The following ARHGAP35 variants were observed in gnomAD, a reference collection of about 807,000 sequenced individuals.
ARHGAP35 encodes rho GTPase-activating protein 35.
ARHGAP35 carries 15 observed loss-of-function variants against 111.1 expected under a neutral mutation model. That is an observed-to-expected ratio of 0.13 (90% CI 0.09 to 0.21). ARHGAP35 has a LOEUF of 0.21. Ranked by LOEUF, ARHGAP35 falls within the 10% of genes least tolerant of loss-of-function variation. The pLI, the probability that ARHGAP35 is intolerant of heterozygous loss-of-function variation, is 1.00. For missense variants in ARHGAP35, 1,262 were observed against 1,873.0 expected, an observed-to-expected ratio of 0.67 and a Z score of 6.02; for synonymous variants, 643 against 710.3, an observed-to-expected ratio of 0.91 and a Z score of 1.51.
chr19:46,913,335 A>G (rs2122184557), intron 1 of ARHGAP35, among the ~76,000 whole-genome samples: 1 of 151,906 alleles, frequency 6.6e-6, no homozygotes, highest in East Asian at 1.9e-4. Flanking sequence ...AGCTGTTGAC[A>G]GTATGAACTT....
chr19:46,909,323 T>G (rs141071045), intron 1 of ARHGAP35, among the ~76,000 whole-genome samples: 1 of 152,006 alleles, frequency 6.6e-6, no homozygotes, highest in African/African-American at 2.4e-5. Context: ...ACAAAAAAAC[T>G]TTAGGCCAGA....
At chr19:46,995,925 C>T (rs1228550330) in intron 5 of ARHGAP35, among the ~76,000 whole-genome samples, 1 of 152,216 alleles carries the variant, frequency 6.6e-6, no homozygotes, top group Non-Finnish European at 1.5e-5. Flanking sequence ...AAGGGCCTCT[C>T]GCCCTCCTTG....
In ARHGAP35 at chr19:46,908,106, C is replaced by T. The variant is rs926434150; in HGVS notation, c.-188-10382C>T. Among the ~76,000 whole-genome samples, 3 of 152,128 alleles carry T rather than the reference C, an allele frequency of 2.0e-5. No homozygotes were observed. Among genetic ancestry groups the T allele is most frequent in the African/African-American group, 7.2e-5 (3 of 41,414 alleles). The stretch of plus-strand genomic sequence containing the variant: ...TGTTGGCAAGGCACATTTGGCTGGA[C>T]GCAGCCTCCACTCTTCTTGCGTCAG... On this transcript the variant is annotated intron_variant, in intron 1 of 6. Coordinates refer to ENST00000672722, the MANE Select transcript of ARHGAP35 (RefSeq NM_004491.5). This position sits in a 1 kb window ranked among gnomAD's most constrained non-coding sequence, Gnocchi z 4.2.
chr19:46,921,675 A>T lies in ARHGAP35; in HGVS notation c.3000A>T (p.Thr1000=), dbSNP rs202036051. 1.1e-5 allele frequency: 18 copies of T among 1,613,902 alleles called. No individual in the cohort carries two copies. In the Admixed American group the frequency reaches 3.0e-4, roughly 27 times the overall value. ...EPSYSLFRED[T]SLPSLSKDHS... ...CTTACAGCCTGTTTCGAGAAGACAC[A>T]TCACTGCCTTCTCTGTCCAAAGACC... Residue 1000 remains threonine (T), a synonymous_variant, in exon 2 of 7, where the codon ACA becomes ACT. Transcript: ENST00000672722. This position sits in a 1 kb window ranked among gnomAD's most constrained non-coding sequence, Gnocchi z 4.3.
intron 1 of ARHGAP35, among the ~76,000 whole-genome samples, chr19:46,899,841 TA>T (rs1409333735): frequency 1.3e-5 from 2 of 152,132 alleles, no homozygotes; most frequent in African/African-American, 4.8e-5. Flanking sequence ...AGGACTGTGG[TA>T]AAAACCTGTA....
intron 1 of ARHGAP35, among the ~76,000 whole-genome samples, chr19:46,905,700 C>G (rs2056104132): frequency 6.6e-6 from 1 of 152,158 alleles, no homozygotes; most frequent in Non-Finnish European, 1.5e-5. Flanking sequence ...CAGGCACATG[C>G]CACCATGCCT....
At chr19:46,932,678 A>C (rs1466348489) in intron 2 of ARHGAP35, among the ~76,000 whole-genome samples, 1 of 152,178 alleles carries the variant, frequency 6.6e-6, no homozygotes, top group Non-Finnish European at 1.5e-5. Flanking sequence ...AAGAGTTCCA[A>C]TTTTGTGACA....
chr19:46,942,626 G>T (rs1025474060), intron 3 of ARHGAP35, among the ~76,000 whole-genome samples: 1 of 151,986 alleles, frequency 6.6e-6, no homozygotes, highest in Non-Finnish European at 1.5e-5. Context: ...GACAAAGTAA[G>T]ACTCTGTCTC....
chr19:46,966,493 G>T (rs2056515837), intron 3 of ARHGAP35, among the ~76,000 whole-genome samples: 1 of 152,174 alleles, frequency 6.6e-6, no homozygotes, highest in Non-Finnish European at 1.5e-5. Flanking sequence ...AAGCCATGGT[G>T]AGCCATGGTT....
intron 3 of ARHGAP35, among the ~76,000 whole-genome samples, chr19:46,981,528 G>A (rs557110123): frequency 8.5e-5 from 13 of 152,378 alleles, no homozygotes; most frequent in African/African-American, 2.9e-4. Context: ...CGACAGCACT[G>A]CTGCTAAGAA....
intron 1 of ARHGAP35, among the ~76,000 whole-genome samples, chr19:46,893,886 C>CTTTTTTTT (rs75930765): frequency 8.2e-6 from 1 of 122,378 alleles, no homozygotes; most frequent in Non-Finnish European, 1.7e-5. Flanking sequence ...CGTTCTTTCT[C>CTTTTTTTT]TTTTTTTTTT....
chr19:46,953,499 G>A (rs1317067429), intron 3 of ARHGAP35, among the ~76,000 whole-genome samples: 1 of 152,138 alleles, frequency 6.6e-6, no homozygotes, highest in African/African-American at 2.4e-5. Context: ...AGCCATTGAG[G>A]GGTTTGGAGT....
At chr19:46,975,474 T>G (rs1048414124) in intron 3 of ARHGAP35, among the ~76,000 whole-genome samples, 1 of 152,156 alleles carries the variant, frequency 6.6e-6, no homozygotes, top group Non-Finnish European at 1.5e-5. Flanking sequence ...GTGAGAATCC[T>G]GGGCCTGTGT....
chr19:46,876,394 G>A (rs1002898024), intron 1 of ARHGAP35, among the ~76,000 whole-genome samples: 2 of 151,210 alleles, frequency 1.3e-5, no homozygotes, highest in Non-Finnish European at 2.9e-5. Flanking sequence ...TTTCTTTTAA[G>A]ATGGAGTCTC....
rs1272936557 is a variant in ARHGAP35 at position 46,994,847 on chromosome 19, G to A, written c.4037-4457G>A. 2.0e-5 allele frequency among the ~76,000 whole-genome samples: 3 copies of A among 152,102 alleles called. No homozygotes were observed. The highest frequency in any genetic ancestry group is 4.4e-5 in the Non-Finnish European group (3 of 68,018). On this transcript the variant is annotated intron_variant, in intron 5 of 6. Transcript: ENST00000672722. The surrounding 1 kb of genome is among the most constrained non-coding windows in gnomAD (Gnocchi z 5.4). ...ATGAACAAATGACCCAAGGAGGAGG[G>A]GCCTCCCAAATCCGAGAATGAAAGA... is the stretch of plus-strand genomic sequence containing the variant.
At chr19:46,862,859 C>A (rs1248470236) in intron 1 of ARHGAP35, among the ~76,000 whole-genome samples, 3 of 152,132 alleles carry the variant, frequency 2.0e-5, no homozygotes, top group Non-Finnish European at 4.4e-5. Flanking sequence ...GCCCACCCTC[C>A]ACTGTTCTGC....
Position 46,894,445 on chromosome 19 carries a change from G to GT in ARHGAP35, c.-188-24024dup, listed in dbSNP as rs35723876. Among the ~76,000 whole-genome samples the GT allele has an allele frequency of 7.0e-3, 761 of 108,072 alleles. 2 individuals are homozygous for GT. Among genetic ancestry groups the GT allele is most frequent in the Middle Eastern group, 0.016 (3 of 186 alleles). The allele number at this position is 108,072 out of a possible 152,430, so 70.9% of individuals were successfully genotyped here. Reference sequence around the variant, plus strand: ...GGTTTACACTCTATCCTGTTTTTTGGTTTTTTTTTTTTTTTTTTTGGAGAC... The same window carrying GT: ...GGTTTACACTCTATCCTGTTTTTTGGTTTTTTTTTTTTTTTTTTTTGGAGAC... On this transcript the variant is annotated intron_variant, in intron 1 of 6. Transcript: ENST00000672722.
chr19:46,978,309 C>T (rs1357712582), intron 3 of ARHGAP35, among the ~76,000 whole-genome samples: 2 of 152,160 alleles, frequency 1.3e-5, no homozygotes, highest in African/African-American at 4.8e-5. Flanking sequence ...GACATGTTTG[C>T]CTCCTTTCAT....
chr19:46,928,738 C>T (rs1173465956), intron 2 of ARHGAP35, among the ~76,000 whole-genome samples: 2 of 152,038 alleles, frequency 1.3e-5, no homozygotes, highest in Non-Finnish European at 2.9e-5. Flanking sequence ...TCGAGACCAG[C>T]CTGGCCAACA....
Sources: allele counts gnomAD v4.1 joint callset (sites outside exome capture counted in the v4.1 genomes callset), GRCh38; gene constraint gnomAD v4.1.1; non-coding constraint Gnocchi (gnomAD v3.1); transcripts MANE v1.5; gene names NCBI Gene and HGNC (gene_info 2026-07-23, HGNC 2026-07-21).